Variants in ITGA3 observed in about 807,000 individuals in gnomAD.
The protein encoded by ITGA3 is integrin subunit alpha 3, also known as integrin alpha-3.
In ITGA3, 70 loss-of-function variants were observed where a neutral mutation model predicts 131.1. The observed-to-expected ratio is 0.53, with a 90% CI of 0.44 to 0.65. The LOEUF (loss-of-function observed/expected upper bound fraction) is 0.65, where lower values mean the gene tolerates loss of function less well. Ranked by LOEUF, ITGA3 falls within the 30% of genes least tolerant of loss-of-function variation. The pLI, the probability that ITGA3 is intolerant of heterozygous loss-of-function variation, is 0.00. For missense variants in ITGA3, 1,098 were observed against 1,388.6 expected (o/e 0.79, Z 3.33); for synonymous variants, 537 against 571.6 (o/e 0.94, Z 0.86).
rs1286574028 is a variant in ITGA3, at chr17:50,089,521, G to A, written c.*443G>A. The stretch of plus-strand genomic sequence containing the variant: ...TAGATGCACGTGGGGCCCACTGCTC[G>A]TGGACTGTGCTGGTGCATCACGGAT... On this transcript the variant is annotated 3_prime_UTR_variant, in exon 26 of 26. Coordinates refer to ENST00000320031, the MANE Select transcript of ITGA3 (RefSeq NM_002204.4). 8 of 521,126 alleles carry A rather than the reference G, an allele frequency of 1.5e-5. No homozygotes were observed. Among genetic ancestry groups the A allele is most frequent in the East Asian group, 6.5e-5 (2 of 30,912 alleles). The allele number at this position is 521,126 out of a possible 1,614,324, so 32.3% of individuals were successfully genotyped here.
intron 25 of ITGA3, among the ~76,000 whole-genome samples, 192 bp downstream of exon 25, chr17:50,088,558 G>T (rs1238392158): frequency 6.6e-6 from 1 of 152,134 alleles, no homozygotes; most frequent in Non-Finnish European, 1.5e-5. Context: ...CTCCCCCTAA[G>T]CCCCTTGGTG....
intron 1 of ITGA3, among the ~76,000 whole-genome samples, chr17:50,061,362 G>A (rs1908068688): frequency 6.6e-6 from 1 of 151,992 alleles, no homozygotes. Context: ...GAGTCCCTTA[G>A]CCCCTTCCTG....
chr17:50,074,336 A>C (rs556513125), intron 9 of ITGA3, 56 bp downstream of exon 9: 1 of 1,606,810 alleles, frequency 6.2e-7, no homozygotes, highest in South Asian at 1.1e-5. Flanking sequence ...TTGTCTGCAC[A>C]GATTCCCATC....
chr17:50,073,964 ATCAC>A lies in ITGA3; in HGVS notation c.1206_1209del (p.Tyr402Ter), dbSNP rs1304711433. ...GAAGGCTTGGGCAAAGTGTACATCT[ATCAC>A]AGTAGCTCTAAGGGGCTCCTTAGAC... On this transcript the variant is annotated frameshift_variant, in exon 8 of 26. Coordinates refer to ENST00000320031, the MANE Select transcript of ITGA3 (RefSeq NM_002204.4). LOFTEE classifies it high-confidence loss of function. 6.2e-7 allele frequency: 1 copy of A among 1,614,024 alleles called. No individual in the cohort carries two copies. Among genetic ancestry groups the A allele is most frequent in the Non-Finnish European group, 8.5e-7 (1 of 1,180,002 alleles).
At position 50,071,995 on chromosome 17, in the gene ITGA3, C is replaced by T; in HGVS notation, c.969C>T (p.Asp323=). Residue 323 remains aspartate (D), a synonymous_variant, in exon 7 of 26, where the codon GAC becomes GAT. Coordinates refer to ENST00000320031, the MANE Select transcript of ITGA3 (RefSeq NM_002204.4). ...CTCCTCTCCTGTGTAGGTGGCAGGA[C>T]CTCCTGGTGGGCGCCCCCTACTACT... ...LADLNNDGWQ[D]LLVGAPYYFE... 1 of 1,613,254 alleles carries T rather than the reference C, an allele frequency of 6.2e-7. No homozygotes were observed. The highest frequency in any genetic ancestry group is 8.5e-7 in the Non-Finnish European group (1 of 1,179,528).
chr17:50,064,234 G>A lies in ITGA3; in HGVS notation c.334+30G>A. 1.3e-6 allele frequency: 2 copies of A among 1,590,302 alleles called. No individual in the cohort carries two copies. Among genetic ancestry groups the A allele is most frequent in the South Asian group, 2.3e-5 (2 of 87,610 alleles). On this transcript the variant is annotated intron_variant, in intron 2 of 25. Coordinates refer to ENST00000320031, the MANE Select transcript of ITGA3 (RefSeq NM_002204.4). This position sits in a 1 kb window ranked among gnomAD's most constrained non-coding sequence, Gnocchi z 4.4. ...GGGGAAGGGGCTGGGGAGGGGTGCTGGGTCAGAGGTCTGGCAGGGGGGTAC... is the reference window on the plus strand; with the variant it reads ...GGGGAAGGGGCTGGGGAGGGGTGCTAGGTCAGAGGTCTGGCAGGGGGGTAC...
At position 50,056,226 on chromosome 17, in the gene ITGA3, C is replaced by T; in HGVS notation, c.-214C>T. The stretch of plus-strand genomic sequence containing the variant: ...GGCGGCGACCCGGCCGCTGGGGAGG[C>T]AGGAAGATAGACCCACGGATCTTAG... On this transcript the variant is annotated 5_prime_UTR_variant, in exon 1 of 26. Coordinates refer to ENST00000320031, the MANE Select transcript of ITGA3 (RefSeq NM_002204.4). This position sits in a 1 kb window ranked among gnomAD's most constrained non-coding sequence, Gnocchi z 5.6. 1 of 444,022 alleles carries T rather than the reference C, an allele frequency of 2.3e-6. No homozygotes were observed. Among genetic ancestry groups the T allele is most frequent in the African/African-American group, 2.1e-5 (1 of 48,486 alleles). The allele number at this position is 444,022 out of a possible 1,614,324, so 27.5% of individuals were successfully genotyped here.
At chr17:50,073,847 G>T in intron 7 of ITGA3, 69 bp from the exon 8 acceptor site, 1 of 1,136,620 alleles carries the variant, frequency 8.8e-7, no homozygotes, top group Non-Finnish European at 1.3e-6. Context: ...GTATGGCCTG[G>T]AGCAAAGAGT....
intron 6 of ITGA3, 82 bp from the exon 7 acceptor site, chr17:50,071,904 C>T: frequency 7.8e-7 from 1 of 1,285,852 alleles, no homozygotes; most frequent in Non-Finnish European, 1.1e-6. Flanking sequence ...TGTGCCCTGG[C>T]ACAGTCACAC....
In ITGA3 at chr17:50,077,135, G is replaced by A. The variant is rs752725052; in HGVS notation, c.2070+14G>A. 3.3e-6 allele frequency: 5 copies of A among 1,528,666 alleles called. No individual in the cohort carries two copies. In the African/African-American group the frequency reaches 4.1e-5, roughly 13 times the overall value. The allele number at this position is 1,528,666 out of a possible 1,614,324, so 94.7% of individuals were successfully genotyped here. A position where few individuals can be genotyped will look rare whatever the true frequency, so the allele number is the denominator to read the frequency against. ...TCAGTGCGCCCCGTGAGTGCCCGCC[G>A]GCCGGCTCAGAGCCCAAGCAGGGCT... On this transcript the variant is annotated intron_variant, in intron 15 of 25. Transcript: ENST00000320031.
At chr17:50,079,668 C>T (rs960921271) in intron 21 of ITGA3, 111 bp downstream of exon 21, 1 of 1,230,944 alleles carries the variant, frequency 8.1e-7, no homozygotes, top group African/African-American at 1.5e-5. Context: ...GGTGATGAGG[C>T]CCCTGCTCTT....
Position 50,064,130 on chromosome 17 carries a change from G to A in ITGA3, c.260G>A (p.Arg87Gln), listed in dbSNP as rs749281724. Reference protein sequence around the residue: ...ELAVPDGYTNRTGAVYLCPLT... With the variant: ...ELAVPDGYTNQTGAVYLCPLT... Reference sequence around the variant, plus strand: ...GCTGTGCCCGATGGCTACACCAACCGGACTGGTGCTGTGTACCTGTGCCCA... The same window carrying A: ...GCTGTGCCCGATGGCTACACCAACCAGACTGGTGCTGTGTACCTGTGCCCA... Residue 87 changes from arginine (R) to glutamine (Q), a missense_variant, in exon 2 of 26, where the codon CGG becomes CAG. Physicochemically the swap from Arg to Gln is conservative, Grantham distance 43. This residue lies in a region of ITGA3 where 356 missense variants were observed against 529.2 expected (regional missense o/e 0.67). Transcript: ENST00000320031. This position sits in a 1 kb window ranked among gnomAD's most constrained non-coding sequence, Gnocchi z 4.4. The A allele has an allele frequency of 1.8e-5, 29 of 1,612,208 alleles. No individual in the cohort carries two copies. The highest frequency in any genetic ancestry group is 4.0e-5 in the African/African-American group (3 of 74,844).
chr17:50,063,257 AC>A (rs1908178054), intron 1 of ITGA3, among the ~76,000 whole-genome samples: 1 of 152,092 alleles, frequency 6.6e-6, no homozygotes, highest in African/African-American at 2.4e-5. Context: ...CCTGCTGCCC[AC>A]CCACTGGGAA....
intron 14 of ITGA3, 88 bp downstream of exon 14, chr17:50,076,769 A>G: frequency 2.3e-6 from 3 of 1,291,926 alleles, no homozygotes; most frequent in South Asian, 2.4e-5. Flanking sequence ...CCTCATGGCA[A>G]GGCGAGCCCA....
At position 50,077,079 on chromosome 17, in the gene ITGA3, C is replaced by T. The variant is rs1219313415; in HGVS notation, c.2028C>T (p.Thr676=). ...AGGACGCCCACGAGGCGCTGCTCAC[C>T]CTGGTGGTGCCTCCCGCCCTGCTGC... ...SGEDAHEALL[T]LVVPPALLLS... The change falls in exon 15 of 26, where the codon ACC becomes ACT. Residue 676 remains threonine, a synonymous_variant. Transcript: ENST00000320031. 1 of 1,587,040 alleles carries T rather than the reference C, an allele frequency of 6.3e-7. No individual in the cohort carries two copies. The highest frequency in any genetic ancestry group is 8.6e-7 in the Non-Finnish European group (1 of 1,164,608).
At position 50,071,496 on chromosome 17, in the gene ITGA3, C is replaced by T; in HGVS notation, c.937C>T (p.Leu313=). The change falls in exon 6 of 26, where the codon CTG becomes TTG. Residue 313 remains leucine, a synonymous_variant. Transcript: ENST00000320031. ...VGAYFGSAIA[L]ADLNNDGWQD... Reference sequence around the variant, plus strand: ...CGCCTATTTTGGCAGCGCCATTGCCCTGGCAGACCTGAACAATGATGGGTG... The same window carrying T: ...CGCCTATTTTGGCAGCGCCATTGCCTTGGCAGACCTGAACAATGATGGGTG... 3 of 1,609,714 alleles carry T rather than the reference C, an allele frequency of 1.9e-6. No homozygotes were observed. Among genetic ancestry groups the T allele is most frequent in the South Asian group, 1.1e-5 (1 of 90,916 alleles).
rs141101255 is a variant in ITGA3 at position 50,075,448 on chromosome 17, C to T, written c.1470-11C>T. ...CACTGTGACCCGCCCTCCTGTACAT[C>T]CCTCCAACAGTGTGCAAGTGGAGCT... is the stretch of plus-strand genomic sequence containing the variant. On this transcript the variant is annotated splice_polypyrimidine_tract_variant and intron_variant, in intron 10 of 25. Coordinates refer to ENST00000320031, the MANE Select transcript of ITGA3 (RefSeq NM_002204.4). 1,122 of 1,614,068 alleles carry T rather than the reference C, an allele frequency of 7.0e-4. 5 individuals carry two copies. In the African/African-American group the frequency reaches 0.013, roughly 19 times the overall value.
rs112452978 is a variant in ITGA3 at position 50,076,390 on chromosome 17, T to C, written c.1739T>C (p.Met580Thr). The change falls in exon 13 of 26, where the codon ATG becomes ACG. Residue 580 changes from methionine to threonine, a missense_variant. By Grantham distance (81) the Met-to-Thr change is moderately conservative. This residue lies in a region of ITGA3 where 699 missense variants were observed against 829.2 expected (regional missense o/e 0.84). Coordinates refer to ENST00000320031, the MANE Select transcript of ITGA3 (RefSeq NM_002204.4). ...ISMNYSLPLR[M>T]PDRPRLGLRS... ...ATGAACTACTCTTTACCTTTGCGGA[T>C]GCCCGATCGCCCCCGGCTGGGGCTG... is the stretch of plus-strand genomic sequence containing the variant. 6.8e-6 allele frequency: 11 copies of C among 1,613,300 alleles called. No homozygotes were observed. In the African/African-American group the frequency reaches 8.0e-5, roughly 12 times the overall value.
In ITGA3 at chr17:50,070,883, C is replaced by A. The variant is rs1303237540; in HGVS notation, c.704C>A (p.Ser235Tyr). 2 of 1,612,696 alleles carry A rather than the reference C, an allele frequency of 1.2e-6. No individual in the cohort carries two copies. Among genetic ancestry groups the A allele is most frequent in the Non-Finnish European group, 1.7e-6 (2 of 1,178,904 alleles). The part of the protein sequence containing the change: ...YMIQRKEWDL[S>Y]EYSYKDPEDQ... ...ATTCAGCGCAAGGAGTGGGACTTAT[C>A]TGAGTATAGTTACAAGGACCCAGAG... is the stretch of plus-strand genomic sequence containing the variant. Residue 235 changes from serine to tyrosine, a missense_variant, in exon 5 of 26, where the codon TCT (serine) becomes TAT (tyrosine). By Grantham distance (144) the Ser-to-Tyr change is moderately radical. This residue lies in a region of ITGA3 where 356 missense variants were observed against 529.2 expected (regional missense o/e 0.67). Transcript: ENST00000320031.
Sources: allele counts gnomAD v4.1 joint callset (sites outside exome capture counted in the v4.1 genomes callset), GRCh38; gene constraint gnomAD v4.1.1; regional missense constraint gnomAD v4.1.1; non-coding constraint Gnocchi (gnomAD v3.1); transcripts MANE v1.5; gene names NCBI Gene and HGNC (gene_info 2026-07-23, HGNC 2026-07-21).